Variants in USP40 observed in about 807,000 individuals in gnomAD.
USP40 encodes ubiquitin carboxyl-terminal hydrolase 40.
Under a neutral mutation model 166.2 loss-of-function variants are expected in USP40, and 143 were observed. That is an observed-to-expected ratio of 0.86 (90% CI 0.75 to 0.99). The LOEUF (loss-of-function observed/expected upper bound fraction) is 0.99. Among genes scored for constraint, USP40 ranks in the 50% least tolerant of loss-of-function variants. The pLI, the probability that USP40 is intolerant of heterozygous loss-of-function variation, is 0.00. For synonymous variants in USP40, 498 were observed against 524.0 expected (o/e 0.95, Z 0.68); for missense variants, 1,444 against 1,479.7 (o/e 0.98, Z 0.40).
At chr2:233,506,952 A>C (rs1450944756) in intron 21 of USP40, among the ~76,000 whole-genome samples, 1 of 152,008 alleles carries the variant, frequency 6.6e-6, no homozygotes, top group Admixed American at 6.6e-5. Context: ...AATATATTAT[A>C]TAAGGAACTT....
At chr2:233,527,674 TC>T in intron 12 of USP40, 96 bp from the exon 13 acceptor site, 1 of 1,131,024 alleles carries the variant, frequency 8.8e-7, no homozygotes, top group Non-Finnish European at 1.2e-6. Flanking sequence ...AATAAAGTTC[TC>T]CATCCCACCA....
intron 21 of USP40, among the ~76,000 whole-genome samples, chr2:233,504,237 A>C (rs900121192): frequency 6.6e-6 from 1 of 152,070 alleles, no homozygotes; most frequent in African/African-American, 2.4e-5. Flanking sequence ...GAAAGGAAGA[A>C]AAAGATCTAC....
intron 27 of USP40, among the ~76,000 whole-genome samples, 172 bp from the exon 28 acceptor site, chr2:233,488,476 ATTAT>A (rs916516474): frequency 1.3e-5 from 2 of 152,222 alleles, no homozygotes; most frequent in Non-Finnish European, 2.9e-5. Flanking sequence ...TGCTGCGGTG[ATTAT>A]TTAGATACTT....
intron 25 of USP40, among the ~76,000 whole-genome samples, chr2:233,492,479 A>G (rs754496030): frequency 1.3e-5 from 2 of 152,252 alleles, no homozygotes; most frequent in Non-Finnish European, 2.9e-5. Flanking sequence ...CTGATTAAAC[A>G]TGCTTTTACA....
At chr2:233,536,867 T>C (rs1276249151) in intron 10 of USP40, among the ~76,000 whole-genome samples, 4 of 152,154 alleles carry the variant, frequency 2.6e-5, no homozygotes, top group Non-Finnish European at 5.9e-5. Context: ...AGCATTTATA[T>C]TGTATTAGGT....
chr2:233,510,256 T>C lies in USP40; in HGVS notation c.2527-121A>G. The C allele has an allele frequency of 5.8e-6, 4 of 689,924 alleles. No homozygotes were observed. The Admixed American group carries it at 8.7e-5, about 15-fold the overall frequency. The allele number at this position is 689,924 out of a possible 1,614,324, so 42.7% of individuals were successfully genotyped here. On this transcript the variant is annotated intron_variant, in intron 20 of 31. Coordinates refer to ENST00000678225, the MANE Select transcript of USP40 (RefSeq NM_001365479.2). ...ATGAAACTTTAACAAAAAATCTCAA[T>C]TTATATGAAAATACGACTATGATTA...
At chr2:233,516,671 G>C (rs530180790) in intron 18 of USP40, among the ~76,000 whole-genome samples, 2 of 150,512 alleles carry the variant, frequency 1.3e-5, no homozygotes, top group African/African-American at 2.4e-5. Flanking sequence ...CTGGGTGACA[G>C]AGCGAGACTC....
In USP40 at chr2:233,533,027, G is replaced by T. The variant is rs531788231; in HGVS notation, c.1471+452C>A. 2.0e-5 allele frequency among the ~76,000 whole-genome samples: 3 copies of T among 151,782 alleles called. No individual in the cohort carries two copies. In the East Asian group the frequency reaches 5.8e-4, roughly 29 times the overall value. On this transcript the variant is annotated intron_variant, in intron 11 of 31. Coordinates refer to ENST00000678225, the MANE Select transcript of USP40 (RefSeq NM_001365479.2). Reference sequence around the variant, plus strand: ...AGATATAAATAAAGGATAAATAATAGAAATAAAAGATATAAATAAGCAGAA... The same window carrying T: ...AGATATAAATAAAGGATAAATAATATAAATAAAAGATATAAATAAGCAGAA...
chr2:233,497,147 G>A (rs2065796130), intron 23 of USP40, among the ~76,000 whole-genome samples: 1 of 152,194 alleles, frequency 6.6e-6, no homozygotes, highest in Non-Finnish European at 1.5e-5. Context: ...GAAAGCTAGA[G>A]AAAATAACAG....
At chr2:233,529,708 C>T (rs12692193) in intron 11 of USP40, among the ~76,000 whole-genome samples, 196 bp from the exon 12 acceptor site, 126,184 of 152,094 alleles carry the variant, frequency 0.83, 52,600 homozygotes, top group East Asian at 0.99. Context: ...GAAAAGTAAA[C>T]ATTTCTTTAA....
intron 5 of USP40, among the ~76,000 whole-genome samples, chr2:233,555,093 T>C (rs1238996308): frequency 1.3e-5 from 2 of 152,166 alleles, no homozygotes; most frequent in Non-Finnish European, 2.9e-5. Context: ...CTGGGGAGGC[T>C]GAGGCAGGAG....
chr2:233,542,306 C>T lies in USP40; in HGVS notation c.1024G>A (p.Asp342Asn). The change falls in exon 9 of 32, where the codon GAT becomes AAT. Residue 342 changes from aspartate to asparagine, a missense_variant. By Grantham distance (23) the Asp-to-Asn change is conservative. Coordinates refer to ENST00000678225, the MANE Select transcript of USP40 (RefSeq NM_001365479.2). Reference protein sequence around the residue: ...LKDLQSEEEIDHPLMILKAIL... With the variant: ...LKDLQSEEEINHPLMILKAIL... ...GCTTTTAGAATCATCAGTGGATGAT[C>T]AATCTCTTCTTCACTCTGGAGATCT... is the stretch of plus-strand genomic sequence containing the variant. 1 of 1,560,340 alleles carries T rather than the reference C, an allele frequency of 6.4e-7. No individual in the cohort carries two copies. Among genetic ancestry groups the T allele is most frequent in the East Asian group, 2.3e-5 (1 of 43,134 alleles).
intron 25 of USP40, 83 bp from the exon 26 acceptor site, chr2:233,491,344 T>C (rs1165981340): frequency 1.0e-6 from 1 of 999,856 alleles, no homozygotes; most frequent in Admixed American, 2.1e-5. Context: ...GTTTTGATAT[T>C]GTAAATAGGT....
Position 233,488,346 on chromosome 2 carries a change from T to C in USP40, c.3132-42A>G, listed in dbSNP as rs780218768. The C allele has an allele frequency of 3.9e-5, 59 of 1,496,166 alleles. No homozygotes were observed. The South Asian group carries it at 7.0e-4, about 18-fold the overall frequency. 92.7% of individuals were successfully genotyped at this position (1,496,166 alleles called of 1,614,324 possible). On this transcript the variant is annotated intron_variant, in intron 27 of 31. Transcript: ENST00000678225. ...CAAGATAATATTGAGTGACATAACA[T>C]TTAATTTTCTTGAATTTTTTTTCCC...
chr2:233,505,774 C>A (rs1161714141), intron 21 of USP40, among the ~76,000 whole-genome samples: 2 of 152,054 alleles, frequency 1.3e-5, no homozygotes, highest in Non-Finnish European at 2.9e-5. Context: ...CAAACTACTC[C>A]AGAAAATTGA....
chr2:233,523,235 CGTCTTCCTCAT>C lies in USP40; in HGVS notation c.2125_2135del (p.Met709ValfsTer19). ...CATTTCTGAGCCCTTGCTCCCTGAA[CGTCTTCCTCAT>C]GTCTTCCTTGGGGATGGCCGTCCAA... On this transcript the variant is annotated frameshift_variant, in exon 16 of 32. Transcript: ENST00000678225. LOFTEE classifies it high-confidence loss of function. The C allele has an allele frequency of 6.2e-7, 1 of 1,613,960 alleles. No homozygotes were observed. Among genetic ancestry groups the C allele is most frequent in the Non-Finnish European group, 8.5e-7 (1 of 1,179,860 alleles).
Position 233,491,228 on chromosome 2 carries a change from A to G in USP40, c.2951T>C (p.Leu984Pro). ...GATCTCTATGTCTCCCAAGTAGAGGAGAGAAACTTGCGCAGGCTCGTTCCC... is the reference window on the plus strand; with the variant it reads ...GATCTCTATGTCTCCCAAGTAGAGGGGAGAAACTTGCGCAGGCTCGTTCCC... ...ASGNEPAQVS[L>P]LYLGDIEISE... The change falls in exon 26 of 32, where the codon CTC (leucine) becomes CCC (proline). Residue 984 changes from leucine to proline, a missense_variant. Physicochemically the swap from Leu to Pro is moderately conservative, Grantham distance 98 (BLOSUM62 -3). Transcript: ENST00000678225. 6.2e-7 allele frequency: 1 copy of G among 1,612,522 alleles called. No homozygotes were observed. The highest frequency in any genetic ancestry group is 8.5e-7 in the Non-Finnish European group (1 of 1,179,326).
In USP40 at chr2:233,533,729, T is replaced by C. The variant is rs1282733947; in HGVS notation, c.1221A>G (p.Thr407=). Residue 407 remains threonine, a synonymous_variant, in exon 11 of 32, where the codon ACA becomes ACG. Coordinates refer to ENST00000678225, the MANE Select transcript of USP40 (RefSeq NM_001365479.2). ...GAGAACTATTCTTCAAGAGACGAACTGTACTTTCATCTGAACTGAGTAGAA... is the reference window on the plus strand; with the variant it reads ...GAGAACTATTCTTCAAGAGACGAACCGTACTTTCATCTGAACTGAGTAGAA... The part of the protein sequence containing the change: ...QIFLLSSDES[T]VRLLKNSSLQ... The C allele has an allele frequency of 2.5e-6, 4 of 1,612,632 alleles. No individual in the cohort carries two copies. The highest frequency in any genetic ancestry group is 3.3e-5 in the Admixed American group (2 of 59,840).
At chr2:233,546,645 T>C (rs953333201) in intron 8 of USP40, 2 of 152,056 alleles carry the variant, frequency 1.3e-5, no homozygotes, top group Non-Finnish European at 2.9e-5. Flanking sequence ...CGAACTGCAA[T>C]GGGAATGGGC....
Sources: allele counts gnomAD v4.1 joint callset (sites outside exome capture counted in the v4.1 genomes callset), GRCh38; gene constraint gnomAD v4.1.1; transcripts MANE v1.5; gene names NCBI Gene and HGNC (gene_info 2026-07-23, HGNC 2026-07-21).